The following RALYL variants were observed in gnomAD, a reference collection of about 807,000 sequenced individuals.
RALYL encodes the protein RALY RNA binding protein like.
RALYL carries 29 observed loss-of-function variants against 35.1 expected under a neutral mutation model. The observed-to-expected ratio is 0.83, with a 90% CI of 0.61 to 1.13. The LOEUF is 1.13. Ranked by LOEUF, RALYL falls within the 50% of genes most tolerant of loss-of-function variation. The pLI, the probability that RALYL is intolerant of heterozygous loss-of-function variation, is 0.00. For missense variants in RALYL, 359 were observed against 360.4 expected (o/e 1.00, Z 0.03); for synonymous variants, 120 against 127.6 (o/e 0.94, Z 0.40).
chr8:84,747,267 A>C (rs547900544), intron 2 of RALYL, among the ~76,000 whole-genome samples: 1 of 151,920 alleles, frequency 6.6e-6, no homozygotes, highest in East Asian at 1.9e-4. Context: ...ATGTAAAAAA[A>C]AAATGGTGCT....
chr8:84,184,699 G>C (rs1812026266), intron 1 of RALYL, among the ~76,000 whole-genome samples: 1 of 151,982 alleles, frequency 6.6e-6, no homozygotes, highest in African/African-American at 2.4e-5. Context: ...CTCCCGGCGG[G>C]GCGGGTGGCG....
intron 1 of RALYL, among the ~76,000 whole-genome samples, chr8:84,515,788 C>T (rs552389007): frequency 1.4e-4 from 21 of 151,952 alleles, no homozygotes; most frequent in African/African-American, 5.1e-4. Flanking sequence ...TTTTTCCAGC[C>T]CAAGAGGTAT....
intron 1 of RALYL, among the ~76,000 whole-genome samples, chr8:84,437,807 C>T (rs1052764807): frequency 2.0e-5 from 3 of 152,096 alleles, no homozygotes; most frequent in African/African-American, 7.2e-5. Context: ...CTTTCTCTCG[C>T]TTGCACCTGC....
intron 1 of RALYL, among the ~76,000 whole-genome samples, chr8:84,467,002 T>A (rs1312050213): frequency 5.9e-5 from 9 of 152,196 alleles, no homozygotes; most frequent in African/African-American, 1.9e-4. Flanking sequence ...CCTTTATCAT[T>A]TTTTATTGCA....
intron 1 of RALYL, among the ~76,000 whole-genome samples, chr8:84,211,453 G>A (rs937491993): frequency 9.9e-5 from 15 of 152,054 alleles, no homozygotes; most frequent in African/African-American, 3.6e-4. Context: ...TCTCCATCAA[G>A]CTACTGAATA....
intron 1 of RALYL, among the ~76,000 whole-genome samples, chr8:84,473,421 A>G (rs1327344871): frequency 6.6e-6 from 1 of 151,814 alleles, no homozygotes; most frequent in Non-Finnish European, 1.5e-5. Context: ...ACCAAGAGCT[A>G]AACAAAAAAA....
intron 2 of RALYL, among the ~76,000 whole-genome samples, chr8:84,618,882 G>C (rs1279814138): frequency 3.7e-5 from 4 of 109,390 alleles, no homozygotes; most frequent in African/African-American, 1.5e-4. Flanking sequence ...AGGTTGTTCA[G>C]TTTCCATGTA....
intron 1 of RALYL, among the ~76,000 whole-genome samples, chr8:84,249,624 A>G (rs1303757990): frequency 6.6e-6 from 1 of 152,130 alleles, no homozygotes. Flanking sequence ...GAAACTGAAA[A>G]ATAGTTGAGT....
chr8:84,581,034 C>T (rs773493903), intron 2 of RALYL, among the ~76,000 whole-genome samples: 2 of 152,140 alleles, frequency 1.3e-5, no homozygotes, highest in Non-Finnish European at 2.9e-5. Context: ...CATGTGGCCT[C>T]TCCATGTAGT....
intron 2 of RALYL, among the ~76,000 whole-genome samples, chr8:84,730,951 G>T (rs995581695): frequency 2.0e-5 from 3 of 152,052 alleles, no homozygotes; most frequent in African/African-American, 7.2e-5. Context: ...GAAAGAGGAG[G>T]AGGAGAAAGA....
intron 2 of RALYL, among the ~76,000 whole-genome samples, chr8:84,754,368 G>A (rs1014857334): frequency 2.0e-5 from 3 of 152,030 alleles, no homozygotes; most frequent in African/African-American, 7.2e-5. Context: ...TTGTAGGTGG[G>A]CCCAGGAGGA....
At chr8:84,401,413 G>A (rs913034736) in intron 1 of RALYL, among the ~76,000 whole-genome samples, 3 of 151,682 alleles carry the variant, frequency 2.0e-5, no homozygotes, top group African/African-American at 2.4e-5. Context: ...CGAGGCGGGC[G>A]GATCACGAGG....
chr8:84,573,456 C>T (rs539269416), intron 2 of RALYL, among the ~76,000 whole-genome samples: 4 of 151,854 alleles, frequency 2.6e-5, no homozygotes, highest in Middle Eastern at 3.4e-3. Flanking sequence ...TATGTATTTT[C>T]TCCTCTGACT....
intron 1 of RALYL, among the ~76,000 whole-genome samples, chr8:84,416,625 G>A (rs770995065): frequency 2.2e-4 from 33 of 151,940 alleles, no homozygotes; most frequent in Admixed American, 2.6e-4. Context: ...ATAATATATT[G>A]GATTGTAAGA....
intron 1 of RALYL, among the ~76,000 whole-genome samples, chr8:84,195,271 C>T (rs1814967976): frequency 6.6e-6 from 1 of 152,028 alleles, no homozygotes; most frequent in Admixed American, 6.6e-5. Context: ...CCCCATCCAT[C>T]TCTACTAAAA....
rs568194827 is a variant in RALYL at position 84,344,361 on chromosome 8, ATTAT to A, written c.-24+159941_-24+159944del. Among the ~76,000 whole-genome samples the A allele has an allele frequency of 1.1e-3, 160 of 152,198 alleles. 5 individuals are homozygous for A. In the South Asian group the frequency reaches 0.032, roughly 31 times the overall value. ...TGTATTTTTCCTTTATTCAAGGAAG[ATTAT>A]TTAAAGTAGTGTAACATACCTACAT... On this transcript the variant is annotated intron_variant, in intron 1 of 8. Transcript: ENST00000521268.
intron 2 of RALYL, among the ~76,000 whole-genome samples, chr8:84,593,782 T>C (rs1449781786): frequency 2.6e-5 from 4 of 152,086 alleles, no homozygotes; most frequent in Non-Finnish European, 5.9e-5. Flanking sequence ...ATATATTCCT[T>C]TGGTACGAGA....
At chr8:84,394,108 T>G (rs1478788854) in intron 1 of RALYL, among the ~76,000 whole-genome samples, 4 of 152,064 alleles carry the variant, frequency 2.6e-5, no homozygotes, top group Non-Finnish European at 5.9e-5. Context: ...ACTCCAGTCT[T>G]CCACTGTTTC....
At chr8:84,585,937 T>C (rs1811892272) in intron 2 of RALYL, among the ~76,000 whole-genome samples, 1 of 151,992 alleles carries the variant, frequency 6.6e-6, no homozygotes, top group South Asian at 2.1e-4. Flanking sequence ...TGGCTCATGC[T>C]TGTAATCCCA....
Sources: allele counts gnomAD v4.1 joint callset (sites outside exome capture counted in the v4.1 genomes callset), GRCh38; gene constraint gnomAD v4.1.1; transcripts MANE v1.5; gene names NCBI Gene and HGNC (gene_info 2026-07-23, HGNC 2026-07-21).